TEKT5: variants seen among roughly 807,000 people sequenced by gnomAD.
TEKT5 encodes the protein tektin-5.
A neutral mutation model predicts 48.7 loss-of-function variants in TEKT5; 52 were observed. That is an observed-to-expected ratio of 1.07 (90% CI 0.86 to 1.35). The LOEUF (loss-of-function observed/expected upper bound fraction) is 1.35. TEKT5 is among the 40% of genes most tolerant of loss of function. The probability of loss-of-function intolerance (pLI) is 0.00; values close to 1 mark genes in which losing one functional copy is unlikely to be tolerated. For synonymous variants in TEKT5, 318 were observed against 267.6 expected (o/e 1.19, Z -1.84); for missense variants, 831 against 641.6 (o/e 1.30, Z -3.19).
At chr16:10,669,510 G>A (rs968018280) in intron 5 of TEKT5, among the ~76,000 whole-genome samples, 1 of 152,106 alleles carries the variant, frequency 6.6e-6, no homozygotes, top group African/African-American at 2.4e-5. Flanking sequence ...AGGTAAGGAA[G>A]GCATTCTAGC....
At chr16:10,654,549 G>A (rs1201481787) in intron 5 of TEKT5, among the ~76,000 whole-genome samples, 2 of 152,170 alleles carry the variant, frequency 1.3e-5, no homozygotes, top group Non-Finnish European at 2.9e-5. Flanking sequence ...CCCACTGAGG[G>A]TCCGAACAGA....
At chr16:10,664,655 C>T (rs886521622) in intron 5 of TEKT5, among the ~76,000 whole-genome samples, 6 of 152,200 alleles carry the variant, frequency 3.9e-5, no homozygotes, top group Non-Finnish European at 7.3e-5. Flanking sequence ...AGGCTGAGAG[C>T]GGCTCACCTG....
chr16:10,665,482 G>A (rs1309789693), intron 5 of TEKT5, among the ~76,000 whole-genome samples: 4 of 152,134 alleles, frequency 2.6e-5, no homozygotes, highest in Admixed American at 1.3e-4. Context: ...GCCCTCTCCC[G>A]TGTTCGTTCT....
At position 10,676,159 on chromosome 16, in the gene TEKT5, C is replaced by T. The variant is rs777725841; in HGVS notation, c.886G>A (p.Ala296Thr). 9 of 1,614,072 alleles carry T rather than the reference C, an allele frequency of 5.6e-6. No homozygotes were observed. In the Admixed American group the frequency reaches 1.3e-4, roughly 24 times the overall value. The change falls in exon 5 of 7, where the codon GCC becomes ACC. Residue 296 changes from alanine (A) to threonine (T), a missense_variant. Physicochemically the swap from Ala to Thr is moderately conservative, Grantham distance 58 (BLOSUM62 0). Transcript: ENST00000283025. ...TTGATGTTGTCGTTACTGAACTTGG[C>T]CCAGGTCTCAGGTACGGAGATCCTG... ...DGTISVPETW[A>T]KFSNDNIKHS... is the part of the protein sequence containing the mutation.
intron 5 of TEKT5, among the ~76,000 whole-genome samples, chr16:10,650,949 C>T (rs922986406): frequency 1.4e-4 from 21 of 151,668 alleles, no homozygotes; most frequent in African/African-American, 5.1e-4. Context: ...ACTAGAAACA[C>T]TGGGGCACCA....
intron 5 of TEKT5, among the ~76,000 whole-genome samples, chr16:10,639,301 C>A (rs905363480): frequency 6.9e-6 from 1 of 144,684 alleles, no homozygotes; most frequent in African/African-American, 2.8e-5. Context: ...AAAACAAAAA[C>A]CCTATCTCCA....
intron 5 of TEKT5, among the ~76,000 whole-genome samples, chr16:10,649,408 G>A (rs953467273): frequency 6.6e-6 from 1 of 151,814 alleles, no homozygotes; most frequent in African/African-American, 2.4e-5. Flanking sequence ...AATGCACTCC[G>A]CTGTGTCTCT....
intron 5 of TEKT5, among the ~76,000 whole-genome samples, chr16:10,667,890 T>C (rs1898484779): frequency 1.3e-5 from 2 of 151,896 alleles, no homozygotes; most frequent in South Asian, 4.2e-4. Context: ...ATTTTTTTTT[T>C]TTTTTGAGAT....
chr16:10,681,804 C>T (rs12446112), intron 4 of TEKT5, among the ~76,000 whole-genome samples, 189 bp downstream of exon 4: 32,664 of 151,782 alleles, frequency 0.22, 4,305 homozygotes, highest in East Asian at 0.54. Context: ...ATACCTCCTC[C>T]GGTAAATTCC....
intron 4 of TEKT5, 84 bp downstream of exon 4, chr16:10,681,908 GC>G: frequency 6.6e-7 from 1 of 1,526,252 alleles, no homozygotes. Flanking sequence ...GGTGCACGAT[GC>G]CCCTTCGCCA....
At chr16:10,643,256 A>C (rs1898021236) in intron 5 of TEKT5, among the ~76,000 whole-genome samples, 3 of 152,140 alleles carry the variant, frequency 2.0e-5, no homozygotes, top group African/African-American at 7.2e-5. Context: ...GCTGATGTCT[A>C]TAGTCCTAGC....
At chr16:10,630,389 C>G (rs1897822125) in intron 6 of TEKT5, among the ~76,000 whole-genome samples, 1 of 152,026 alleles carries the variant, frequency 6.6e-6, no homozygotes, top group African/African-American at 2.4e-5. Context: ...GCAGGCACCA[C>G]CACACCTGGC....
intron 5 of TEKT5, among the ~76,000 whole-genome samples, chr16:10,643,965 C>T (rs945470146): frequency 6.6e-6 from 1 of 152,118 alleles, no homozygotes; most frequent in Non-Finnish European, 1.5e-5. Context: ...TTGCTTGAAC[C>T]CGGGAGGAGG....
intron 3 of TEKT5, 120 bp from the exon 4 acceptor site, chr16:10,682,256 A>C: frequency 8.8e-7 from 1 of 1,136,094 alleles, no homozygotes; most frequent in Non-Finnish European, 1.3e-6. Flanking sequence ...GTAGCTTCTC[A>C]GTCCTCTTCC....
intron 3 of TEKT5, among the ~76,000 whole-genome samples, chr16:10,683,081 G>C (rs1456707840): frequency 3.9e-5 from 6 of 152,174 alleles, no homozygotes; most frequent in Admixed American, 3.9e-4. Flanking sequence ...TTGAAAATAT[G>C]AAACAACACA....
At chr16:10,660,545 CAG>C (rs1416474632) in intron 5 of TEKT5, among the ~76,000 whole-genome samples, 1 of 152,126 alleles carries the variant, frequency 6.6e-6, no homozygotes, top group Admixed American at 6.5e-5. Context: ...ATCCGGGAGA[CAG>C]AGACTGGCCA....
chr16:10,644,431 G>T (rs1898040155), intron 5 of TEKT5, among the ~76,000 whole-genome samples: 1 of 152,208 alleles, frequency 6.6e-6, no homozygotes, highest in Admixed American at 6.5e-5. Flanking sequence ...TATCTATGCA[G>T]ATCCTTGAGC....
At chr16:10,645,205 T>G (rs1275907973) in intron 5 of TEKT5, among the ~76,000 whole-genome samples, 1 of 152,192 alleles carries the variant, frequency 6.6e-6, no homozygotes, top group African/African-American at 2.4e-5. Flanking sequence ...TGAGACATAC[T>G]GATGTTAAAA....
At chr16:10,650,034 C>T (rs1898128710) in intron 5 of TEKT5, among the ~76,000 whole-genome samples, 2 of 152,052 alleles carry the variant, frequency 1.3e-5, no homozygotes, top group South Asian at 2.1e-4. Flanking sequence ...CCCTGGTCTC[C>T]TCCCACTCCC....
Sources: gnomAD v4.1 joint callset for allele counts (sites outside exome capture counted in the v4.1 genomes callset) on GRCh38, gnomAD v4.1.1 for gene constraint, MANE v1.5 for transcripts, NCBI Gene and HGNC (gene_info 2026-07-23, HGNC 2026-07-21) for gene names.